The following TBC1D4 variants were observed in gnomAD, a reference collection of about 807,000 sequenced individuals.
TBC1D4 encodes the protein TBC1 domain family member 4.
TBC1D4 carries 121 observed loss-of-function variants against 142.5 expected under a neutral mutation model. The observed-to-expected ratio is 0.85, with a 90% CI of 0.73 to 0.99. The LOEUF (loss-of-function observed/expected upper bound fraction) is 0.99, where lower values mean the gene tolerates loss of function less well. TBC1D4 is among the 50% of genes least tolerant of loss of function. The pLI is 0.00. For synonymous variants in TBC1D4, 630 were observed against 628.2 expected, an observed-to-expected ratio of 1.00 and a Z score of -0.04; for missense variants, 1,475 against 1,606.6, an observed-to-expected ratio of 0.92 and a Z score of 1.40.
At chr13:75,407,452 C>G (rs902055463) in intron 1 of TBC1D4, among the ~76,000 whole-genome samples, 1 of 152,162 alleles carries the variant, frequency 6.6e-6, no homozygotes, top group Non-Finnish European at 1.5e-5. Flanking sequence ...TCCCAAATCT[C>G]CACACAAAAA....
chr13:75,337,628 A>G (rs479896), intron 7 of TBC1D4, among the ~76,000 whole-genome samples: 13,848 of 152,248 alleles, frequency 0.091, 1,125 homozygotes, highest in African/African-American at 0.2. Flanking sequence ...TGTATATCAC[A>G]TGGTCCTTAG....
intron 11 of TBC1D4, 105 bp downstream of exon 11, chr13:75,324,132 G>T: frequency 7.9e-7 from 1 of 1,266,690 alleles, no homozygotes; most frequent in Non-Finnish European, 1.1e-6. Flanking sequence ...GCACAACACA[G>T]GGATGCATAA....
At chr13:75,414,373 A>G (rs1337287121) in intron 1 of TBC1D4, among the ~76,000 whole-genome samples, 1 of 152,230 alleles carries the variant, frequency 6.6e-6, no homozygotes, top group Non-Finnish European at 1.5e-5. Flanking sequence ...ACTGCCTACA[A>G]AGTCAGACTG....
At chr13:75,307,601 C>A (rs1381472689) in intron 14 of TBC1D4, among the ~76,000 whole-genome samples, 1 of 152,186 alleles carries the variant, frequency 6.6e-6, no homozygotes, top group Non-Finnish European at 1.5e-5. Flanking sequence ...CTTTGTCATG[C>A]ATCCCAAGTC....
intron 1 of TBC1D4, among the ~76,000 whole-genome samples, chr13:75,428,607 A>T (rs1593875436): frequency 6.6e-6 from 1 of 152,254 alleles, no homozygotes; most frequent in Admixed American, 6.5e-5. Context: ...AGGTGACTGA[A>T]CACAACAGAA....
intron 9 of TBC1D4, among the ~76,000 whole-genome samples, chr13:75,327,135 T>C (rs1223406987): frequency 2.0e-5 from 3 of 152,300 alleles, no homozygotes; most frequent in East Asian, 3.9e-4. Context: ...GTTAAAACTT[T>C]CCAGAACAGG....
intron 5 of TBC1D4, among the ~76,000 whole-genome samples, chr13:75,341,819 A>G (rs1314018019): frequency 6.6e-6 from 1 of 152,200 alleles, no homozygotes; most frequent in East Asian, 1.9e-4. Context: ...TGGCATTACA[A>G]TTACTAACAA....
rs35548574 is a variant in TBC1D4 at position 75,480,877 on chromosome 13, G to GCACACACACA, written c.498+383_498+392dup. ...TACACGCGCTCGCGCGCACACGCAC[G>GCACACACACA]CACACACACACACACACACACACAC... is the stretch of plus-strand genomic sequence containing the variant. On this transcript the variant is annotated intron_variant, in intron 1 of 20. Transcript: ENST00000377636. 9.9e-3 allele frequency among the ~76,000 whole-genome samples: 1,228 copies of GCACACACACA among 124,172 alleles called. 11 individuals carry two copies. The highest frequency in any genetic ancestry group is 0.012 in the African/African-American group (479 of 39,560). The allele number at this position is 124,172 out of a possible 152,430, so 81.5% of individuals were successfully genotyped here.
At chr13:75,444,150 T>C (rs1195764432) in intron 1 of TBC1D4, among the ~76,000 whole-genome samples, 1 of 152,150 alleles carries the variant, frequency 6.6e-6, no homozygotes, top group Non-Finnish European at 1.5e-5. Context: ...TAAGATAAAG[T>C]CTTGTTCTGT....
chr13:75,295,467 A>C lies in TBC1D4; in HGVS notation c.3157-454T>G, dbSNP rs560437978. ...GAGACCAGCATGTGATTTATGAAAG[A>C]GTTCTGGCTCTCCAGACAATCTGCA... On this transcript the variant is annotated intron_variant, in intron 17 of 20. Transcript: ENST00000377636. 1.3e-4 allele frequency among the ~76,000 whole-genome samples: 20 copies of C among 152,316 alleles called. 1 individual carries two copies. In the East Asian group the frequency reaches 3.9e-3, roughly 29 times the overall value.
chr13:75,362,310 A>C lies in TBC1D4; in HGVS notation c.796T>G (p.Cys266Gly). 6.2e-7 allele frequency: 1 copy of C among 1,614,002 alleles called. No homozygotes were observed. Among genetic ancestry groups the C allele is most frequent in the Non-Finnish European group, 8.5e-7 (1 of 1,180,028 alleles). Residue 266 changes from cysteine (C) to glycine (G), a missense_variant, in exon 2 of 21, where the codon TGC becomes GGC. Coordinates refer to ENST00000377636, the MANE Select transcript of TBC1D4 (RefSeq NM_014832.5). The surrounding 1 kb of genome is among the most constrained non-coding windows in gnomAD (Gnocchi z 4.2). ...EVVVPGSPGD[C>G]LPEEADGTDT... Reference sequence around the variant, plus strand: ...GTGCCGTCAGCCTCCTCCGGCAGGCAGTCTCCGGGGGACCCGGGCACCACC... The same window carrying C: ...GTGCCGTCAGCCTCCTCCGGCAGGCCGTCTCCGGGGGACCCGGGCACCACC...
At chr13:75,402,168 G>A (rs999695849) in intron 1 of TBC1D4, among the ~76,000 whole-genome samples, 4 of 152,024 alleles carry the variant, frequency 2.6e-5, no homozygotes, top group African/African-American at 9.7e-5. Context: ...ACTGGAGAGT[G>A]GGGGGGTTAA....
chr13:75,456,437 T>C (rs759622126), intron 1 of TBC1D4, among the ~76,000 whole-genome samples: 4 of 151,234 alleles, frequency 2.6e-5, no homozygotes, highest in Non-Finnish European at 3.0e-5. Flanking sequence ...ATATCCAGAA[T>C]ATTTAAAGAA....
intron 12 of TBC1D4, among the ~76,000 whole-genome samples, chr13:75,318,201 C>A (rs560991541): frequency 6.6e-6 from 1 of 152,238 alleles, no homozygotes; most frequent in Non-Finnish European, 1.5e-5. Flanking sequence ...CCTGCCAGGG[C>A]AACACAGATA....
intron 13 of TBC1D4, among the ~76,000 whole-genome samples, chr13:75,310,807 T>C (rs1042091365): frequency 2.0e-5 from 3 of 152,126 alleles, no homozygotes; most frequent in African/African-American, 7.2e-5. Flanking sequence ...CCTCCCACCC[T>C]CCACCCTCAA....
At chr13:75,366,607 C>A (rs1236820713) in intron 1 of TBC1D4, among the ~76,000 whole-genome samples, 1 of 151,934 alleles carries the variant, frequency 6.6e-6, no homozygotes, top group East Asian at 1.9e-4. Flanking sequence ...TGTTGTTACA[C>A]CTTCAGTGAC....
chr13:75,445,785 T>G (rs894155914), intron 1 of TBC1D4, among the ~76,000 whole-genome samples: 1 of 152,208 alleles, frequency 6.6e-6, no homozygotes, highest in African/African-American at 2.4e-5. Context: ...TGTAAGCAAA[T>G]CAAAAGTTGT....
intron 17 of TBC1D4, among the ~76,000 whole-genome samples, chr13:75,297,264 G>T (rs1876028211): frequency 6.6e-6 from 1 of 152,148 alleles, no homozygotes; most frequent in Non-Finnish European, 1.5e-5. Flanking sequence ...TCAAATTGAT[G>T]AATAATTTTT....
intron 1 of TBC1D4, among the ~76,000 whole-genome samples, chr13:75,459,144 G>C (rs1166556766): frequency 6.6e-6 from 1 of 152,118 alleles, no homozygotes; most frequent in Non-Finnish European, 1.5e-5. Context: ...TCCAGTCCTG[G>C]CAGGAAGGAG....
Sources: gnomAD v4.1 joint callset for allele counts (sites outside exome capture counted in the v4.1 genomes callset) on GRCh38, gnomAD v4.1.1 for gene constraint, Gnocchi (gnomAD v3.1) non-coding constraint, MANE v1.5 for transcripts, NCBI Gene and HGNC (gene_info 2026-07-23, HGNC 2026-07-21) for gene names.